The following EIF3K variants were observed in gnomAD, a reference collection of about 807,000 sequenced individuals.
EIF3K encodes the protein eukaryotic translation initiation factor 3 subunit K.
Under a neutral mutation model 34.2 loss-of-function variants are expected in EIF3K, and 27 were observed. The observed-to-expected ratio is 0.79, with a 90% confidence interval of 0.58 to 1.09. The LOEUF (loss-of-function observed/expected upper bound fraction) is 1.09, where lower values mean the gene tolerates loss of function less well. EIF3K is among the 50% of genes least tolerant of loss of function. The pLI, the probability that EIF3K is intolerant of heterozygous loss-of-function variation, is 0.00. For missense variants in EIF3K, 232 were observed against 275.4 expected (o/e 0.84, Z 1.11); for synonymous variants, 105 against 105.7 (o/e 0.99, Z 0.04).
intron 1 of EIF3K, 23 bp downstream of exon 1, chr19:38,619,350 C>T (rs1212168302): frequency 1.9e-6 from 3 of 1,613,066 alleles, no homozygotes; most frequent in Admixed American, 1.7e-5. Context: ...TTGGAGGAAG[C>T]GCTCTGGCCA....
At chr19:38,632,780 G>T in intron 6 of EIF3K, 102 bp downstream of exon 6, 1 of 1,106,260 alleles carries the variant, frequency 9.0e-7, no homozygotes, top group Non-Finnish European at 1.3e-6. Flanking sequence ...GTCTCATCAG[G>T]TCAGCATGGA....
At chr19:38,624,769 T>C (rs375018969) in intron 3 of EIF3K, among the ~76,000 whole-genome samples, 54 of 151,834 alleles carry the variant, frequency 3.6e-4, no homozygotes, top group African/African-American at 1.3e-3. Flanking sequence ...AGTAGGCACC[T>C]GACCATTTGG....
intron 2 of EIF3K, among the ~76,000 whole-genome samples, chr19:38,623,607 C>CCACCG (rs1975888264): frequency 6.6e-6 from 1 of 151,980 alleles, no homozygotes; most frequent in African/African-American, 2.4e-5. Context: ...CCTACCCACC[C>CCACCG]CCACCGCCAC....
At chr19:38,626,751 C>T (rs1975959417) in intron 4 of EIF3K, among the ~76,000 whole-genome samples, 1 of 152,172 alleles carries the variant, frequency 6.6e-6, no homozygotes, top group Admixed American at 6.5e-5. Flanking sequence ...GCTAGATCAC[C>T]TCCTGGCTCC....
At chr19:38,627,700 T>C (rs909482606) in intron 4 of EIF3K, among the ~76,000 whole-genome samples, 2 of 151,628 alleles carry the variant, frequency 1.3e-5, no homozygotes, top group Non-Finnish European at 2.9e-5. Flanking sequence ...TTCAGCTCCT[T>C]CTCACTGGCG....
rs370407696 is a variant in EIF3K at position 38,632,470 on chromosome 19, C to G, written c.395C>G (p.Thr132Ser). 6.2e-7 allele frequency: 1 copy of G among 1,614,092 alleles called. No homozygotes were observed. The highest frequency in any genetic ancestry group is 8.5e-7 in the Non-Finnish European group (1 of 1,180,038). Reference protein sequence around the residue: ...DENMDLLEGITGFEDSVRKFI... With the variant: ...DENMDLLEGISGFEDSVRKFI... ...AACATGGACCTCTTGGAAGGTATAA[C>G]TGGCTTTGAAGACTCTGTCCGAAAG... The change falls in exon 5 of 8, where the codon ACT (threonine) becomes AGT (serine). Residue 132 changes from threonine (T) to serine (S), a missense_variant. Physicochemically the swap from Thr to Ser is moderately conservative, Grantham distance 58. Coordinates refer to ENST00000248342, the MANE Select transcript of EIF3K (RefSeq NM_013234.4).
At chr19:38,635,298 G>A in intron 7 of EIF3K, 180 bp downstream of exon 7, 1 of 850,200 alleles carries the variant, frequency 1.2e-6, no homozygotes, top group Non-Finnish European at 1.8e-6. Context: ...ATAGCGGGGA[G>A]CTGGGTGATC....
intron 1 of EIF3K, among the ~76,000 whole-genome samples, chr19:38,620,009 A>G (rs34780679): frequency 0.17 from 26,596 of 152,114 alleles, 2,998 homozygotes; most frequent in African/African-American, 0.31. Context: ...GGAGGCCTGA[A>G]CAGGGGAGGA....
chr19:38,631,656 C>G (rs1260066112), intron 4 of EIF3K, among the ~76,000 whole-genome samples: 1 of 152,218 alleles, frequency 6.6e-6, no homozygotes, highest in Non-Finnish European at 1.5e-5. Context: ...TCCTCTTTTA[C>G]TAATCCTCCT....
At chr19:38,635,493 G>C in intron 7 of EIF3K, 1 of 332,208 alleles carries the variant, frequency 3.0e-6, no homozygotes, top group Non-Finnish European at 5.5e-6. Flanking sequence ...TGAACAGTAG[G>C]AATCTTGATT....
At chr19:38,632,040 ACTT>A (rs755065513) in intron 4 of EIF3K, 23 of 207,968 alleles carry the variant, frequency 1.1e-4, no homozygotes, top group South Asian at 2.0e-4. Context: ...TCCTGTGTCT[ACTT>A]CTTTCTACAC....
At chr19:38,630,896 G>A (rs1194477956) in intron 4 of EIF3K, 2 of 150,746 alleles carry the variant, frequency 1.3e-5, no homozygotes, top group African/African-American at 2.4e-5. Context: ...GGCTGGTCTC[G>A]AACTCCCGAC....
Position 38,619,208 on chromosome 19 carries a change from G to C in EIF3K, c.-61G>C. ...ACCACCTCTTCCTGTTCCCGTCCTT[G>C]AGGACGCCGTGCCGGGTCAGTGTTA... is the stretch of plus-strand genomic sequence containing the variant. On this transcript the variant is annotated 5_prime_UTR_variant, in exon 1 of 8. Transcript: ENST00000248342. The C allele has an allele frequency of 1.3e-6, 2 of 1,586,006 alleles. No individual in the cohort carries two copies. The highest frequency in any genetic ancestry group is 2.2e-5 in the South Asian group (2 of 89,698).
chr19:38,622,547 C>T (rs551632191), intron 2 of EIF3K, among the ~76,000 whole-genome samples: 111 of 152,330 alleles, frequency 7.3e-4, no homozygotes, highest in Non-Finnish European at 1.4e-3. Flanking sequence ...CACAGGACCA[C>T]AGGATCAAAG....
intron 3 of EIF3K, among the ~76,000 whole-genome samples, chr19:38,625,039 C>T (rs186784253): frequency 3.0e-4 from 45 of 152,202 alleles, no homozygotes; most frequent in Non-Finnish European, 6.0e-4. Flanking sequence ...CAAAGGTGAT[C>T]CAGGCAGAGA....
In EIF3K at chr19:38,636,930, T is replaced by C. The variant is rs752484688; in HGVS notation, c.*10T>C. 1 of 1,613,992 alleles carries C rather than the reference T, an allele frequency of 6.2e-7. No individual in the cohort carries two copies. The highest frequency in any genetic ancestry group is 2.2e-5 in the East Asian group (1 of 44,894). ...GGCCTCCTCCCAGTAACTTCAGGTG[T>C]TTAATAAAGATGTGTTGACTCAGCC... On this transcript the variant is annotated 3_prime_UTR_variant, in exon 8 of 8. Transcript: ENST00000248342.
Position 38,626,174 on chromosome 19 carries a change from G to A in EIF3K, c.354+72G>A, listed in dbSNP as rs1466618827. ...GGAGCTGAGTGCTAAAAGTAACAAC[G>A]GTGCACACTGACTGGCTTCCTGCTT... On this transcript the variant is annotated intron_variant, in intron 4 of 7. Transcript: ENST00000248342. 86 of 1,385,450 alleles carry A rather than the reference G, an allele frequency of 6.2e-5. 4 individuals are homozygous for A. In the South Asian group the frequency reaches 6.6e-4, roughly 11 times the overall value. 85.8% of individuals were successfully genotyped at this position (1,385,450 alleles called of 1,614,324 possible).
chr19:38,620,418 C>G lies in EIF3K; in HGVS notation c.141C>G (p.Asn47Lys). Residue 47 changes from asparagine (N) to lysine (K), a missense_variant, in exon 2 of 8, where the codon AAC (asparagine) becomes AAG (lysine). Coordinates refer to ENST00000248342, the MANE Select transcript of EIF3K (RefSeq NM_013234.4). ...AAAATGCCTATGATCTGGAAGCCAACCTGGCTGTCCTGAAGCTGTAAGTGT... is the reference window on the plus strand; with the variant it reads ...AAAATGCCTATGATCTGGAAGCCAAGCTGGCTGTCCTGAAGCTGTAAGTGT... The part of the protein sequence containing the change: ...AKENAYDLEA[N>K]LAVLKLYQFN... The G allele has an allele frequency of 6.2e-7, 1 of 1,613,798 alleles. No individual in the cohort carries two copies. Among genetic ancestry groups the G allele is most frequent in the Non-Finnish European group, 8.5e-7 (1 of 1,179,894 alleles).
At chr19:38,629,259 T>TTTG (rs1976010092) in intron 4 of EIF3K, among the ~76,000 whole-genome samples, 1 of 149,582 alleles carries the variant, frequency 6.7e-6, no homozygotes, top group South Asian at 2.2e-4. Context: ...GACAGGTTTT[T>TTTG]TTTGTTTGTT....
Sources: gnomAD v4.1 joint callset for allele counts (sites outside exome capture counted in the v4.1 genomes callset) on GRCh38, gnomAD v4.1.1 for gene constraint, MANE v1.5 for transcripts, NCBI Gene and HGNC (gene_info 2026-07-23, HGNC 2026-07-21) for gene names.